The following BCL2 variants were observed in gnomAD, a reference collection of about 807,000 sequenced individuals.
BCL2 encodes BCL2 apoptosis regulator.
A neutral mutation model predicts 14.2 loss-of-function variants in BCL2; 1 was observed. The observed-to-expected ratio is 0.07, with a 90% CI of 0.02 to 0.33. BCL2 has a LOEUF of 0.33. Ranked by LOEUF, BCL2 falls within the 10% of genes least tolerant of loss-of-function variation. The pLI, the probability that BCL2 is intolerant of heterozygous loss-of-function variation, is 0.99. For synonymous variants in BCL2, 151 were observed against 137.2 expected (o/e 1.10, Z -0.70); for missense variants, 247 against 305.9 (o/e 0.81, Z 1.44).
chr18:63,319,058 A>G (rs1913610270), intron 1 of BCL2, 106 bp from the exon 2 acceptor site: 2 of 1,087,418 alleles, frequency 1.8e-6, no homozygotes, highest in Non-Finnish European at 1.1e-6. Flanking sequence ...ACACGGCTAA[A>G]AAGAATGTAT....
chr18:63,282,744 C>A (rs1221352177), intron 2 of BCL2, among the ~76,000 whole-genome samples: 1 of 152,064 alleles, frequency 6.6e-6, no homozygotes, highest in Non-Finnish European at 1.5e-5. Context: ...AAAATATAGG[C>A]CCTGGTTCAC....
chr18:63,155,348 G>A (rs1480809718), intron 2 of BCL2, among the ~76,000 whole-genome samples: 1 of 152,202 alleles, frequency 6.6e-6, no homozygotes, highest in African/African-American at 2.4e-5. Flanking sequence ...GCAAAGGTGA[G>A]AAACTGTACA....
At chr18:63,180,922 G>A (rs1354547886) in intron 2 of BCL2, among the ~76,000 whole-genome samples, 1 of 152,176 alleles carries the variant, frequency 6.6e-6, no homozygotes, top group African/African-American at 2.4e-5. Context: ...TTCCCACAAT[G>A]CCCAGTGGAA....
intron 2 of BCL2, among the ~76,000 whole-genome samples, chr18:63,158,278 A>G (rs954430102): frequency 2.6e-5 from 4 of 152,196 alleles, no homozygotes; most frequent in Non-Finnish European, 5.9e-5. Flanking sequence ...CTTGAGGCGT[A>G]TTAATGAGTA....
At chr18:63,169,383 C>CT (rs1568222756) in intron 2 of BCL2, among the ~76,000 whole-genome samples, 1 of 114,360 alleles carries the variant, frequency 8.7e-6, no homozygotes, top group Non-Finnish European at 1.7e-5. Context: ...TTCTTTCTTT[C>CT]TTTCTTTTTC....
At chr18:63,171,722 T>C (rs1279647759) in intron 2 of BCL2, among the ~76,000 whole-genome samples, 1 of 152,230 alleles carries the variant, frequency 6.6e-6, no homozygotes, top group African/African-American at 2.4e-5. Context: ...ATGCCTGTGA[T>C]CCCAGCACTT....
intron 2 of BCL2, among the ~76,000 whole-genome samples, chr18:63,218,758 C>T (rs113864753): frequency 3.2e-4 from 5 of 15,562 alleles, no homozygotes; most frequent in African/African-American, 4.2e-4. Context: ...CTCCACTCAT[C>T]CCCCTCTACT....
chr18:63,246,994 A>T (rs747298039), intron 2 of BCL2, among the ~76,000 whole-genome samples: 9 of 152,196 alleles, frequency 5.9e-5, no homozygotes, highest in Non-Finnish European at 1.2e-4. Context: ...AGAATAAACA[A>T]GACAAATTTG....
chr18:63,153,087 T>C (rs917559398), intron 2 of BCL2, among the ~76,000 whole-genome samples: 2 of 152,134 alleles, frequency 1.3e-5, no homozygotes, highest in African/African-American at 4.8e-5. Flanking sequence ...GCACACACAT[T>C]AGAGTCAGAC....
intron 2 of BCL2, among the ~76,000 whole-genome samples, chr18:63,266,611 TC>T (rs1459871961): frequency 1.1e-4 from 16 of 142,342 alleles, no homozygotes; most frequent in Non-Finnish European, 2.0e-4. Context: ...TAAATCTCTC[TC>T]TCTCTCTCTC....
intron 2 of BCL2, among the ~76,000 whole-genome samples, chr18:63,150,006 G>A (rs1362099205): frequency 4.6e-5 from 7 of 151,992 alleles, no homozygotes; most frequent in African/African-American, 7.3e-5. Flanking sequence ...CAGTCTTCCC[G>A]AATGGCTGGG....
intron 2 of BCL2, among the ~76,000 whole-genome samples, chr18:63,296,477 T>A (rs1280937336): frequency 6.6e-6 from 1 of 152,174 alleles, no homozygotes; most frequent in African/African-American, 2.4e-5. Context: ...TTAATTGTTT[T>A]GTGTTTTGTA....
chr18:63,174,850 A>G (rs2144635012), intron 2 of BCL2, among the ~76,000 whole-genome samples: 1 of 151,260 alleles, frequency 6.6e-6, no homozygotes, highest in East Asian at 1.9e-4. Flanking sequence ...AGCATTAAGA[A>G]GTTCTACGGT....
intron 2 of BCL2, among the ~76,000 whole-genome samples, chr18:63,295,982 C>T (rs1912785481): frequency 6.6e-6 from 1 of 152,120 alleles, no homozygotes; most frequent in Non-Finnish European, 1.5e-5. Flanking sequence ...CTTGTCTCAC[C>T]CTGACCCTGC....
intron 2 of BCL2, among the ~76,000 whole-genome samples, chr18:63,224,108 A>C (rs1910480943): frequency 6.6e-6 from 1 of 152,220 alleles, no homozygotes; most frequent in South Asian, 2.1e-4. Flanking sequence ...ACAGAAATGA[A>C]CCCAATAGAT....
intron 2 of BCL2, among the ~76,000 whole-genome samples, chr18:63,270,824 A>G (rs9958905): frequency 0.37 from 56,828 of 151,562 alleles, 10,774 homozygotes; most frequent in Middle Eastern, 0.47. Context: ...GAACTTGAAG[A>G]ATTTTTTTTT....
At chr18:63,238,161 T>C (rs1910893308) in intron 2 of BCL2, among the ~76,000 whole-genome samples, 1 of 152,348 alleles carries the variant, frequency 6.6e-6, no homozygotes, top group South Asian at 2.1e-4. Flanking sequence ...TTTCTCTGCT[T>C]CTCAGGGAGA....
At chr18:63,247,924 G>GA (rs925393925) in intron 2 of BCL2, among the ~76,000 whole-genome samples, 26 of 150,792 alleles carry the variant, frequency 1.7e-4, no homozygotes, top group Non-Finnish European at 3.2e-4. Flanking sequence ...CTTTAGCAAG[G>GA]AAAAAAAAAT....
chr18:63,216,598 T>C (rs1910211578), intron 2 of BCL2, among the ~76,000 whole-genome samples: 1 of 152,130 alleles, frequency 6.6e-6, no homozygotes, highest in African/African-American at 2.4e-5. Flanking sequence ...AGTCTTTAAG[T>C]ACAGCTACAT....
Sources: gnomAD v4.1 joint callset for allele counts (sites outside exome capture counted in the v4.1 genomes callset) on GRCh38, gnomAD v4.1.1 for gene constraint, MANE v1.5 for transcripts, NCBI Gene and HGNC (gene_info 2026-07-23, HGNC 2026-07-21) for gene names.